Variants in ANK2 observed in about 807,000 individuals in gnomAD.
ANK2 encodes the protein ankyrin-2.
Under a neutral mutation model 360.5 loss-of-function variants are expected in ANK2, and 83 were observed. The ratio of observed to expected loss-of-function variants is 0.23; its 90% CI spans 0.19 to 0.28. ANK2 has a LOEUF of 0.28. Among genes scored for constraint, ANK2 ranks in the 10% least tolerant of loss-of-function variants. ANK2 has a pLI of 1.00. For missense variants in ANK2, 4,201 were observed against 4,795.7 expected, an observed-to-expected ratio of 0.88 and a Z score of 3.66; for synonymous variants, 1,740 against 1,759.5, an observed-to-expected ratio of 0.99 and a Z score of 0.28.
At chr4:113,268,201 G>T (rs2057011122) in intron 14 of ANK2, among the ~76,000 whole-genome samples, 1 of 152,196 alleles carries the variant, frequency 6.6e-6, no homozygotes, top group Non-Finnish European at 1.5e-5. Context: ...TGCAAACAGA[G>T]ACAATTTGAC....
chr4:113,350,422 A>G, intron 37 of ANK2, 173 bp downstream of exon 37: 1 of 546,282 alleles, frequency 1.8e-6, no homozygotes. Context: ...TAAATTACAA[A>G]TATACCTAAT....
intron 4 of ANK2, among the ~76,000 whole-genome samples, chr4:113,213,865 A>T (rs1178814447): frequency 6.6e-6 from 1 of 152,172 alleles, no homozygotes; most frequent in African/African-American, 2.4e-5. Context: ...ACTATTTGAC[A>T]TTGCAATCAA....
At chr4:112,827,612 T>G in intron 1 of ANK2, 1 of 883,432 alleles carries the variant, frequency 1.1e-6, no homozygotes, top group Non-Finnish European at 1.9e-6. Context: ...AAGGGACCAC[T>G]CTACTCTCCA....
chr4:112,990,992 C>G (rs188372850), intron 2 of ANK2, among the ~76,000 whole-genome samples: 478 of 152,302 alleles, frequency 3.1e-3, no homozygotes, highest in South Asian at 6.4e-3. Context: ...TGGTTCATGC[C>G]TGTAATCCCA....
At chr4:112,817,853 T>C (rs1024545601), upstream of ANK2, among the ~76,000 whole-genome samples, 3 of 152,130 alleles carry the variant, frequency 2.0e-5, no homozygotes, top group African/African-American at 4.8e-5. Context: ...CTGCAACAAA[T>C]TCAAGTGCTT....
the ANK2 span, among the ~76,000 whole-genome samples, chr4:112,813,002 G>GC: frequency 1.3e-5 from 2 of 152,102 alleles, no homozygotes. Context: ...CACTTTGGGA[G>GC]CCTGATGTGG....
At chr4:112,905,896 A>G (rs113824941) in intron 2 of ANK2, among the ~76,000 whole-genome samples, 8,626 of 152,256 alleles carry the variant, frequency 0.057, 598 homozygotes, top group East Asian at 0.31. Context: ...TCCTGAGCTC[A>G]AGTGATCTGC....
At chr4:113,097,891 C>CAT (rs756033599) in intron 1 of ANK2, among the ~76,000 whole-genome samples, 24 of 136,850 alleles carry the variant, frequency 1.8e-4, no homozygotes, top group Admixed American at 2.9e-4. Context: ...CACACACACA[C>CAT]GCACACACAC....
intron 2 of ANK2, among the ~76,000 whole-genome samples, chr4:112,915,758 A>G (rs965167125): frequency 6.6e-6 from 1 of 150,922 alleles, no homozygotes; most frequent in Non-Finnish European, 1.5e-5. Context: ...CTGTTTCAAA[A>G]AAAAAATAAA....
chr4:113,111,696 T>G (rs1228902101), intron 1 of ANK2, among the ~76,000 whole-genome samples: 2 of 152,138 alleles, frequency 1.3e-5, no homozygotes, highest in Admixed American at 6.5e-5. Flanking sequence ...ATCAGTATAT[T>G]TTTTGGAAAA....
At chr4:113,279,536 A>T (rs2061457344) in intron 17 of ANK2, among the ~76,000 whole-genome samples, 1 of 151,928 alleles carries the variant, frequency 6.6e-6, no homozygotes, top group African/African-American at 2.4e-5. Context: ...CTTAACCACT[A>T]GGTCCTTTGT....
chr4:112,722,375 A>G, the ANK2 span, among the ~76,000 whole-genome samples: 1 of 152,094 alleles, frequency 6.6e-6, no homozygotes, highest in East Asian at 1.9e-4. Context: ...ACCCCCATAC[A>G]CGAGTGCTCA....
intron 1 of ANK2, among the ~76,000 whole-genome samples, chr4:112,882,545 G>A (rs1479278351): frequency 6.6e-6 from 1 of 152,174 alleles, no homozygotes; most frequent in African/African-American, 2.4e-5. Context: ...GAATGTGCCA[G>A]CTGTTCAATG....
At chr4:113,301,308 CTTTT>C (rs1440229224) in intron 22 of ANK2, among the ~76,000 whole-genome samples, 2 of 151,012 alleles carry the variant, frequency 1.3e-5, no homozygotes, top group East Asian at 1.9e-4. Context: ...GTACACATAT[CTTTT>C]ATTTATTTAT....
At chr4:113,184,210 G>A (rs1237046595) in intron 2 of ANK2, among the ~76,000 whole-genome samples, 2 of 151,830 alleles carry the variant, frequency 1.3e-5, no homozygotes, top group East Asian at 3.9e-4. Context: ...TAAAGGATCA[G>A]TGTGGGAGTT....
At chr4:113,328,063 T>C (rs963811104) in intron 26 of ANK2, among the ~76,000 whole-genome samples, 1 of 152,216 alleles carries the variant, frequency 6.6e-6, no homozygotes, top group Non-Finnish European at 1.5e-5. Flanking sequence ...GGCTCCATGT[T>C]ATATAGGCCA....
chr4:113,207,732 T>C (rs541443909), intron 4 of ANK2, among the ~76,000 whole-genome samples: 127 of 148,050 alleles, frequency 8.6e-4, no homozygotes, highest in African/African-American at 3.0e-3. Context: ...TGACACGAAT[T>C]AAACTTTCCA....
chr4:113,378,489 C>T (rs576799354), intron 45 of ANK2, among the ~76,000 whole-genome samples: 12 of 152,220 alleles, frequency 7.9e-5, no homozygotes, highest in East Asian at 1.9e-4. Context: ...TACATTGTGT[C>T]GATAGATTCA....
the ANK2 span, among the ~76,000 whole-genome samples, chr4:112,714,337 C>T: frequency 0.013 from 1,948 of 152,238 alleles, 40 homozygotes; most frequent in African/African-American, 0.044. Context: ...CACACGCCAC[C>T]ATGCCTGGCT....
Sources: gnomAD v4.1 joint callset for allele counts (sites outside exome capture counted in the v4.1 genomes callset) on GRCh38, gnomAD v4.1.1 for gene constraint, MANE v1.5 for transcripts, NCBI Gene and HGNC (gene_info 2026-07-23, HGNC 2026-07-21) for gene names.